The following DPP6 variants were observed in gnomAD, a reference collection of about 807,000 sequenced individuals.
DPP6 encodes dipeptidyl peptidase like 6, also known as A-type potassium channel modulatory protein DPP6.
In DPP6, 69 loss-of-function variants were observed where a neutral mutation model predicts 122.6. The ratio of observed to expected loss-of-function variants is 0.56; its 90% CI spans 0.46 to 0.69. The LOEUF is 0.69. DPP6 is among the 30% of genes least tolerant of loss of function. The pLI is 0.00. For synonymous variants in DPP6, 418 were observed against 433.1 expected, an observed-to-expected ratio of 0.97 and a Z score of 0.43; for missense variants, 928 against 1,116.9, an observed-to-expected ratio of 0.83 and a Z score of 2.41.
intron 10 of DPP6, among the ~76,000 whole-genome samples, chr7:154,781,536 T>G (rs1797028963): frequency 6.6e-6 from 1 of 152,176 alleles, no homozygotes; most frequent in Non-Finnish European, 1.5e-5. Context: ...TTTTCTGTGT[T>G]GTAGAAGGCA....
chr7:153,802,249 T>C, the DPP6 span, among the ~76,000 whole-genome samples: 3 of 152,142 alleles, frequency 2.0e-5, no homozygotes, highest in South Asian at 2.1e-4. Flanking sequence ...AATAACAATC[T>C]GCCACACAGG....
chr7:153,943,179 C>T (rs904507844), intron 1 of DPP6, among the ~76,000 whole-genome samples: 3 of 152,040 alleles, frequency 2.0e-5, no homozygotes, highest in South Asian at 2.1e-4. Flanking sequence ...AATTAGAGCA[C>T]GAAATACAAA....
At chr7:154,876,239 T>C (rs1202395755) in intron 20 of DPP6, 139 bp downstream of exon 20, 11 of 1,306,254 alleles carry the variant, frequency 8.4e-6, no homozygotes, top group Middle Eastern at 2.8e-4. Context: ...TAAAATCTCT[T>C]GGCCATTCCA....
chr7:154,092,581 C>T (rs1367503563), intron 1 of DPP6: 1 of 151,266 alleles, frequency 6.6e-6, no homozygotes, highest in Non-Finnish European at 1.5e-5. Context: ...GAATTTTGGC[C>T]AGAATCCTAG....
chr7:154,891,611 C>CAA (rs912595245), intron 25 of DPP6, among the ~76,000 whole-genome samples: 1 of 152,110 alleles, frequency 6.6e-6, no homozygotes, highest in African/African-American at 2.4e-5. Context: ...TTCCCACACT[C>CAA]AGAGTGTAAC....
At chr7:154,570,584 T>C (rs115605693) in intron 5 of DPP6, among the ~76,000 whole-genome samples, 301 of 152,324 alleles carry the variant, frequency 2.0e-3, no homozygotes, top group African/African-American at 7.0e-3. Context: ...ATCCACAAAA[T>C]ATGTAATAAA....
At chr7:154,210,287 G>A (rs1357534023) in intron 1 of DPP6, among the ~76,000 whole-genome samples, 1 of 152,130 alleles carries the variant, frequency 6.6e-6, no homozygotes, top group Non-Finnish European at 1.5e-5. Flanking sequence ...GTCCCGAGGT[G>A]TGTGAGGTCT....
intron 1 of DPP6, among the ~76,000 whole-genome samples, chr7:153,970,231 G>A (rs937885106): frequency 5.3e-5 from 8 of 152,112 alleles, no homozygotes; most frequent in African/African-American, 1.2e-4. Context: ...TATGTTTAAC[G>A]TTATTAGAAA....
At chr7:153,756,557 G>A in the DPP6 span, among the ~76,000 whole-genome samples, 2 of 152,210 alleles carry the variant, frequency 1.3e-5, no homozygotes, top group African/African-American at 2.4e-5. Context: ...ACTAACACTT[G>A]CTGTTAGCAA....
chr7:153,892,442 T>A (rs1467702848), intron 1 of DPP6, among the ~76,000 whole-genome samples: 1 of 152,116 alleles, frequency 6.6e-6, no homozygotes, highest in Non-Finnish European at 1.5e-5. Context: ...GCCTCCCAAG[T>A]AGCTAGGATT....
chr7:153,979,029 C>CT (rs1422986357), intron 1 of DPP6, among the ~76,000 whole-genome samples: 7 of 151,968 alleles, frequency 4.6e-5, no homozygotes, highest in Non-Finnish European at 7.4e-5. Context: ...TATATGGGCT[C>CT]TTTTTTCGGT....
chr7:154,321,801 A>G (rs1807987654), intron 1 of DPP6, among the ~76,000 whole-genome samples: 1 of 151,458 alleles, frequency 6.6e-6, no homozygotes, highest in Non-Finnish European at 1.5e-5. Context: ...AAAAAAAAAA[A>G]AAAAGAGGAA....
chr7:154,247,728 G>A (rs950859598), intron 1 of DPP6, among the ~76,000 whole-genome samples: 6 of 152,158 alleles, frequency 3.9e-5, no homozygotes, highest in South Asian at 2.1e-4. Flanking sequence ...TATAGTGCCC[G>A]ACTGCAGTCT....
At chr7:154,747,177 A>T (rs1474484097) in intron 8 of DPP6, among the ~76,000 whole-genome samples, 1 of 152,224 alleles carries the variant, frequency 6.6e-6, no homozygotes, top group Non-Finnish European at 1.5e-5. Context: ...GGAAGAGTTC[A>T]TCTCACCACA....
chr7:154,061,241 A>G (rs1801823480), intron 1 of DPP6, among the ~76,000 whole-genome samples: 1 of 149,496 alleles, frequency 6.7e-6, no homozygotes. Flanking sequence ...GGGACCCGGA[A>G]CTTTTGAAAT....
intron 1 of DPP6, among the ~76,000 whole-genome samples, chr7:154,382,323 C>T (rs962019450): frequency 1.3e-5 from 2 of 151,876 alleles, no homozygotes; most frequent in Non-Finnish European, 2.9e-5. Context: ...TAGCTGGGAC[C>T]ACAAGCTTGC....
At chr7:154,093,433 A>G (rs1323004256) in intron 1 of DPP6, among the ~76,000 whole-genome samples, 1 of 136,672 alleles carries the variant, frequency 7.3e-6, no homozygotes, top group Non-Finnish European at 1.6e-5. Context: ...ACACCCCATA[A>G]CATACCACAT....
Position 154,287,342 on chromosome 7 carries a change from G to A in DPP6, c.244-158872G>A, listed in dbSNP as rs373602071. On this transcript the variant is annotated intron_variant, in intron 1 of 25. Coordinates refer to ENST00000377770, the MANE Select transcript of DPP6 (RefSeq NM_130797.4). ...CTCAAATGTTTTCTGTTTCTAAGTG[G>A]ATGACCCTGCCTTTCTAGATACAAC... Among the ~76,000 whole-genome samples, 5 of 152,318 alleles carry A rather than the reference G, an allele frequency of 3.3e-5. No individual in the cohort carries two copies. The South Asian group carries it at 1.0e-3, about 32-fold the overall frequency.
chr7:154,621,740 C>T (rs1160132164), intron 5 of DPP6, among the ~76,000 whole-genome samples: 5 of 152,030 alleles, frequency 3.3e-5, no homozygotes, highest in African/African-American at 7.3e-5. Context: ...CTTCCCATGC[C>T]CTTCTCTTGG....
Sources: allele counts gnomAD v4.1 joint callset (sites outside exome capture counted in the v4.1 genomes callset), GRCh38; gene constraint gnomAD v4.1.1; transcripts MANE v1.5; gene names NCBI Gene and HGNC (gene_info 2026-07-23, HGNC 2026-07-21).